Variants in GRIK4 observed in about 807,000 individuals in gnomAD.
GRIK4 encodes glutamate ionotropic receptor kainate type subunit 4.
A neutral mutation model predicts 104.9 loss-of-function variants in GRIK4; 40 were observed. That is an observed-to-expected ratio of 0.38 (90% CI 0.30 to 0.50). The LOEUF (loss-of-function observed/expected upper bound fraction) is 0.50. GRIK4 is among the 20% of genes least tolerant of loss of function. The pLI is 0.93. For missense variants in GRIK4, 1,047 were observed against 1,308.1 expected (o/e 0.80, Z 3.08); for synonymous variants, 485 against 524.9 (o/e 0.92, Z 1.04).
At chr11:120,976,450 G>A (rs892204741) in intron 19 of GRIK4, among the ~76,000 whole-genome samples, 5 of 152,214 alleles carry the variant, frequency 3.3e-5, no homozygotes, top group African/African-American at 1.2e-4. Flanking sequence ...GATCATGTAG[G>A]TCAGTTTATA....
intron 1 of GRIK4, among the ~76,000 whole-genome samples, chr11:120,557,193 C>T (rs555016012): frequency 2.6e-5 from 4 of 152,268 alleles, no homozygotes; most frequent in East Asian, 3.9e-4. Flanking sequence ...ACTGGAGGAC[C>T]GGATAGAATT....
At chr11:120,941,354 A>G (rs1182261726) in intron 14 of GRIK4, among the ~76,000 whole-genome samples, 1 of 152,152 alleles carries the variant, frequency 6.6e-6, no homozygotes, top group African/African-American at 2.4e-5. Flanking sequence ...GAGATCACCC[A>G]ACATGCCTGC....
chr11:120,751,190 T>G (rs1951544383), intron 3 of GRIK4, among the ~76,000 whole-genome samples: 1 of 151,830 alleles, frequency 6.6e-6, no homozygotes, highest in Admixed American at 6.6e-5. Flanking sequence ...TAACAAGCTC[T>G]CTGTGGTCAG....
chr11:120,637,116 G>A (rs1949407774), intron 1 of GRIK4, among the ~76,000 whole-genome samples: 1 of 151,842 alleles, frequency 6.6e-6, no homozygotes, highest in Admixed American at 6.6e-5. Context: ...CAGGAAGAAA[G>A]AGAAGAGGAG....
intron 9 of GRIK4, chr11:120,872,072 G>A (rs745873849): frequency 6.0e-5 from 22 of 368,362 alleles, no homozygotes; most frequent in African/African-American, 8.5e-5. Flanking sequence ...AGTCAACACC[G>A]GCTTCCTGAG....
At chr11:120,932,718 C>T (rs143823017) in intron 13 of GRIK4, among the ~76,000 whole-genome samples, 1 of 152,256 alleles carries the variant, frequency 6.6e-6, no homozygotes, top group East Asian at 1.9e-4. Flanking sequence ...AACACAATTA[C>T]AGAGTTAAAT....
chr11:120,613,885 A>T (rs1949070768), intron 1 of GRIK4, among the ~76,000 whole-genome samples: 1 of 152,198 alleles, frequency 6.6e-6, no homozygotes, highest in Non-Finnish European at 1.5e-5. Context: ...CTTCTGGCAA[A>T]GTTGCCAGCC....
At chr11:120,869,431 T>G (rs1019291970) in intron 9 of GRIK4, 1 of 152,296 alleles carries the variant, frequency 6.6e-6, no homozygotes, top group Non-Finnish European at 1.5e-5. Flanking sequence ...TCCTTCTACC[T>G]GCTCCCTGTG....
chr11:120,542,220 A>G (rs1948044962), intron 1 of GRIK4, among the ~76,000 whole-genome samples: 1 of 152,248 alleles, frequency 6.6e-6, no homozygotes, highest in Non-Finnish European at 1.5e-5. Context: ...AGTCTCTTCA[A>G]TAAATGGTGT....
intron 1 of GRIK4, among the ~76,000 whole-genome samples, chr11:120,632,372 A>C (rs923824196): frequency 6.6e-6 from 1 of 152,128 alleles, no homozygotes; most frequent in Non-Finnish European, 1.5e-5. Context: ...ATAGATTTAT[A>C]AGGCTGAATT....
intron 13 of GRIK4, among the ~76,000 whole-genome samples, chr11:120,921,120 C>T (rs1444184570): frequency 6.6e-6 from 1 of 152,164 alleles, no homozygotes; most frequent in African/African-American, 2.4e-5. Context: ...CTGAAGGACC[C>T]CCATCCTCTC....
intron 3 of GRIK4, among the ~76,000 whole-genome samples, chr11:120,737,337 T>C (rs1565323087): frequency 6.6e-6 from 1 of 152,212 alleles, no homozygotes; most frequent in Non-Finnish European, 1.5e-5. Context: ...GTCTAGACAT[T>C]AGACATTGAG....
At chr11:120,633,442 A>C (rs1328160003) in intron 1 of GRIK4, among the ~76,000 whole-genome samples, 3 of 152,140 alleles carry the variant, frequency 2.0e-5, no homozygotes, top group Non-Finnish European at 4.4e-5. Flanking sequence ...GCACGTGAGC[A>C]CATGTGTGTG....
intron 3 of GRIK4, among the ~76,000 whole-genome samples, chr11:120,782,105 T>G (rs1952169577): frequency 6.6e-6 from 1 of 152,134 alleles, no homozygotes; most frequent in Non-Finnish European, 1.5e-5. Flanking sequence ...TTCCTTATTT[T>G]CTTTCTCTTT....
At chr11:120,779,317 G>A (rs964404740) in intron 3 of GRIK4, among the ~76,000 whole-genome samples, 1 of 152,148 alleles carries the variant, frequency 6.6e-6, no homozygotes, top group African/African-American at 2.4e-5. Context: ...GAGTGAGCCG[G>A]TCAGGAGCTG....
chr11:120,564,589 C>A (rs1034895568), intron 1 of GRIK4: 2 of 152,316 alleles, frequency 1.3e-5, no homozygotes, highest in East Asian at 1.9e-4. Flanking sequence ...GGTGCCGTAG[C>A]CCCCCTCGAC....
At chr11:120,568,394 C>T (rs1389642028) in intron 1 of GRIK4, among the ~76,000 whole-genome samples, 1 of 146,744 alleles carries the variant, frequency 6.8e-6, no homozygotes, top group Non-Finnish European at 1.5e-5. Context: ...CTTTTCTTTT[C>T]TTTTTTTTTT....
At chr11:120,654,341 A>G (rs1202355371) in intron 2 of GRIK4, among the ~76,000 whole-genome samples, 1 of 152,128 alleles carries the variant, frequency 6.6e-6, no homozygotes, top group Non-Finnish European at 1.5e-5. Context: ...GTGGCCATGA[A>G]GAGTTAGTAT....
intron 1 of GRIK4, among the ~76,000 whole-genome samples, chr11:120,554,031 G>A (rs2508656): frequency 0.18 from 27,581 of 151,952 alleles, 4,979 homozygotes; most frequent in African/African-American, 0.46. Context: ...GGGGACACTT[G>A]TGGATGATGT....
Sources: allele counts gnomAD v4.1 joint callset (sites outside exome capture counted in the v4.1 genomes callset), GRCh38; gene constraint gnomAD v4.1.1; transcripts MANE v1.5; gene names NCBI Gene and HGNC (gene_info 2026-07-23, HGNC 2026-07-21).